Variants in CYP4F3 observed in about 807,000 individuals in gnomAD.
CYP4F3 encodes the protein cytochrome P450 4F3.
In CYP4F3, 50 loss-of-function variants were observed where a neutral mutation model predicts 54.8. That is an observed-to-expected ratio of 0.91 (90% CI 0.73 to 1.16). The LOEUF (loss-of-function observed/expected upper bound fraction) is 1.16. CYP4F3 is among the 50% of genes most tolerant of loss of function. The pLI, the probability that CYP4F3 is intolerant of heterozygous loss-of-function variation, is 0.00. For missense variants in CYP4F3, 715 were observed against 676.2 expected, an observed-to-expected ratio of 1.06 and a Z score of -0.64; for synonymous variants, 244 against 262.6, an observed-to-expected ratio of 0.93 and a Z score of 0.69.
Position 15,662,104 on chromosome 19 carries a change from CT to C in CYP4F3, c.*2720del, listed in dbSNP as rs1973193515. The C allele has an allele frequency of 6.6e-6, 1 of 151,656 alleles. No homozygotes were observed. Among genetic ancestry groups the C allele is most frequent in the African/African-American group, 2.4e-5 (1 of 41,204 alleles). The allele number at this position is 151,656 out of a possible 1,614,324, so 9.4% of individuals were successfully genotyped here. ...TGGCCAATATGGTGAAACCACGTCT[CT>C]ATTAAAAATAGAAAAATTAGCCAGG... On this transcript the variant is annotated 3_prime_UTR_variant, in exon 13 of 13. Transcript: ENST00000221307.
chr19:15,650,081 G>C lies in CYP4F3; in HGVS notation c.816G>C (p.Gln272His). 2.5e-6 allele frequency: 4 copies of C among 1,614,202 alleles called. No individual in the cohort carries two copies. Among genetic ancestry groups the C allele is most frequent in the Non-Finnish European group, 3.4e-6 (4 of 1,180,042 alleles). ...ACGACTTCACAGATGCCGTCATCCA[G>C]GAGCGGCGCCGCACCCTCCCTAGCC... Reference protein sequence around the residue: ...LVHDFTDAVIQERRRTLPSQG... With the variant: ...LVHDFTDAVIHERRRTLPSQG... Residue 272 changes from glutamine to histidine, a missense_variant, in exon 7 of 13, where the codon CAG becomes CAC. Gln to His is a conservative substitution (Grantham distance 24). Transcript: ENST00000221307.
intron 5 of CYP4F3, 58 bp from the exon 6 acceptor site, chr19:15,649,102 G>A: frequency 6.2e-7 from 1 of 1,605,270 alleles, no homozygotes; most frequent in Non-Finnish European, 8.5e-7. Context: ...TGTTGGGGTT[G>A]GAGAGCTGCT....
At chr19:15,652,712 A>T (rs937918916) in intron 8 of CYP4F3, 77 bp downstream of exon 8, 18 of 1,610,262 alleles carry the variant, frequency 1.1e-5, no homozygotes, top group African/African-American at 2.7e-5. Flanking sequence ...GACCCCTCGC[A>T]CTTCCCATCC....
chr19:15,641,693 G>T, intron 2 of CYP4F3, 80 bp downstream of exon 2: 1 of 1,427,476 alleles, frequency 7.0e-7, no homozygotes, highest in African/African-American at 1.4e-5. Context: ...TCAGGTGAGA[G>T]GGGGTGGGCT....
rs114628890 is a variant in CYP4F3 at position 15,645,786 on chromosome 19, G to C, written c.266G>C (p.Cys89Ser). The change falls in exon 3 of 13, where the codon TGC (cysteine) becomes TCC (serine). Residue 89 changes from cysteine (C) to serine (S), a missense_variant. Transcript: ENST00000221307. The part of the protein sequence containing the change: ...SLACTFGDMC[C>S]WWVGPWHAIV... ...GCATGCACCTTCGGTGATATGTGCT[G>C]CTGGTGGGTGGGGCCCTGGCACGCA... is the stretch of plus-strand genomic sequence containing the variant. 1.2e-5 allele frequency: 20 copies of C among 1,614,060 alleles called. No homozygotes were observed. The highest frequency in any genetic ancestry group is 1.5e-5 in the Non-Finnish European group (18 of 1,179,998).
chr19:15,642,472 G>A (rs922485560), intron 2 of CYP4F3, among the ~76,000 whole-genome samples: 1 of 152,194 alleles, frequency 6.6e-6, no homozygotes, highest in Non-Finnish European at 1.5e-5. Context: ...GCTGGTGGAG[G>A]AACCAGCCAG....
Position 15,643,952 on chromosome 19 carries a change from G to A in CYP4F3, c.199-1767G>A, listed in dbSNP as rs761274700. On this transcript the variant is annotated intron_variant, in intron 2 of 12. Transcript: ENST00000221307. ...CATGAGGGTCCTGACTCAGCTGGTG[G>A]CCACCTACCCCCAGGGCTTTAAGGT... 2.5e-6 allele frequency: 4 copies of A among 1,605,656 alleles called. No homozygotes were observed. The South Asian group carries it at 4.5e-5, about 18-fold the overall frequency.
chr19:15,653,001 T>G (rs1285877987), intron 9 of CYP4F3, 49 bp downstream of exon 9: 1 of 1,556,086 alleles, frequency 6.4e-7, no homozygotes, highest in East Asian at 2.3e-5. Context: ...TCATTGGCTC[T>G]GTTCCCCAGG....
rs1340866160 is a variant in CYP4F3, at chr19:15,652,946, T to C, written c.1109T>C (p.Ile370Thr). The C allele has an allele frequency of 1.2e-6, 2 of 1,606,574 alleles. No individual in the cohort carries two copies. Among genetic ancestry groups the C allele is most frequent in the South Asian group, 1.1e-5 (1 of 90,130 alleles). Reference sequence around the variant, plus strand: ...CTGAAGGACCGTGAGCCTAAAGAGATTGAATGGTGAGTGCAGGTGCTGGTG... The same window carrying C: ...CTGAAGGACCGTGAGCCTAAAGAGACTGAATGGTGAGTGCAGGTGCTGGTG... ...ELLKDREPKE[I>T]EWDDLAQLPF... The change falls in exon 9 of 13, where the codon ATT (isoleucine) becomes ACT (threonine). Residue 370 changes from isoleucine (I) to threonine (T), a missense_variant. Ile to Thr is a moderately conservative substitution (Grantham distance 89). Transcript: ENST00000221307.
chr19:15,650,338 C>G, intron 7 of CYP4F3, 155 bp downstream of exon 7: 1 of 1,416,138 alleles, frequency 7.1e-7, no homozygotes. Flanking sequence ...TTGGAGATAG[C>G]TCTGTGGACT....
chr19:15,659,391 G>T lies in CYP4F3; in HGVS notation c.*6G>T. The T allele has an allele frequency of 6.2e-7, 1 of 1,609,962 alleles. No homozygotes were observed. On this transcript the variant is annotated 3_prime_UTR_variant, in exon 13 of 13. Transcript: ENST00000221307. ...GGGTGGAGCCCCTGAGCTGAGTTCT[G>T]CAGAGACCCACTCTGACCCCACTAA... is the stretch of plus-strand genomic sequence containing the variant.
intron 9 of CYP4F3, among the ~76,000 whole-genome samples, chr19:15,654,062 T>C (rs980604288): frequency 2.0e-5 from 3 of 148,964 alleles, no homozygotes; most frequent in African/African-American, 7.4e-5. Context: ...AGTGGGGACA[T>C]TCTGAGGCTC....
At chr19:15,658,053 T>G (rs1488325957) in intron 9 of CYP4F3, 8 of 923,792 alleles carry the variant, frequency 8.7e-6, no homozygotes, top group Non-Finnish European at 1.3e-6. Context: ...TATTCTCATG[T>G]CTTTTTCTGA....
rs768858084 is a variant in CYP4F3 at position 15,652,634 on chromosome 19, G to A, written c.984G>A (p.Glu328=). 6.2e-7 allele frequency: 1 copy of A among 1,614,196 alleles called. No homozygotes were observed. The highest frequency in any genetic ancestry group is 1.1e-5 in the South Asian group (1 of 91,086). The change falls in exon 8 of 13, where the codon GAG becomes GAA. Residue 328 remains glutamate (E), a splice_region_variant and synonymous_variant. Transcript: ENST00000221307. ...IRAEADTFMF[E]GHDTTASGLS... Reference sequence around the variant, plus strand: ...CAGAAGCTGACACCTTTATGTTTGAGGGTGAGGGCCCCAGTGTGGGGCTAG... The same window carrying A: ...CAGAAGCTGACACCTTTATGTTTGAAGGTGAGGGCCCCAGTGTGGGGCTAG...
At chr19:15,654,200 C>T (rs1328686192) in intron 9 of CYP4F3, among the ~76,000 whole-genome samples, 2 of 152,278 alleles carry the variant, frequency 1.3e-5, no homozygotes, top group South Asian at 2.1e-4. Flanking sequence ...CATTTTTATG[C>T]TTCTAAAATA....
intron 10 of CYP4F3, 40 bp downstream of exon 10, chr19:15,658,437 G>T: frequency 2.5e-6 from 4 of 1,613,794 alleles, no homozygotes; most frequent in Non-Finnish European, 3.4e-6. Context: ...TGGGTAGGAA[G>T]AGGGGCCCCT....
rs1179900957 is a variant in CYP4F3 at position 15,644,376 on chromosome 19, G to T, written c.199-1343G>T. On this transcript the variant is annotated intron_variant, in intron 2 of 12. Coordinates refer to ENST00000221307, the MANE Select transcript of CYP4F3 (RefSeq NM_000896.3). ...CCCCAACTTCATGGGGTCAAGAAAG[G>T]GCCAGAGGGAGATGGATGACAGCCC... Among the ~76,000 whole-genome samples, 3 of 152,220 alleles carry T rather than the reference G, an allele frequency of 2.0e-5. No individual in the cohort carries two copies. In the East Asian group the frequency reaches 5.8e-4, roughly 29 times the overall value.
rs757173248 is a variant in CYP4F3 at position 15,649,114 on chromosome 19, A to G, written c.526-46A>G. 6 of 1,610,102 alleles carry G rather than the reference A, an allele frequency of 3.7e-6. No homozygotes were observed. In the South Asian group the frequency reaches 5.5e-5, roughly 15 times the overall value. ...GATTGTTGGGGTTGGAGAGCTGCTC[A>G]AGGGAGCAAGGGACCTGCCCCAGCT... On this transcript the variant is annotated intron_variant, in intron 5 of 12. Transcript: ENST00000221307.
intron 8 of CYP4F3, 80 bp from the exon 9 acceptor site, chr19:15,652,743 A>G: frequency 6.2e-7 from 1 of 1,603,972 alleles, no homozygotes; most frequent in Non-Finnish European, 8.5e-7. Flanking sequence ...ATCCTCCCTG[A>G]GGTCCTCAAT....
Sources: allele counts gnomAD v4.1 joint callset (sites outside exome capture counted in the v4.1 genomes callset), GRCh38; gene constraint gnomAD v4.1.1; transcripts MANE v1.5; gene names NCBI Gene and HGNC (gene_info 2026-07-23, HGNC 2026-07-21).